The following DLGAP4 variants were observed in gnomAD, a reference collection of about 807,000 sequenced individuals.
DLGAP4 encodes DLG associated protein 4.
Under a neutral mutation model 86.9 loss-of-function variants are expected in DLGAP4, and 18 were observed. The ratio of observed to expected loss-of-function variants is 0.21; its 90% CI spans 0.14 to 0.31. The LOEUF (loss-of-function observed/expected upper bound fraction) is 0.31. Ranked by LOEUF, DLGAP4 falls within the 10% of genes least tolerant of loss-of-function variation. The pLI, the probability that DLGAP4 is intolerant of heterozygous loss-of-function variation, is 1.00. For synonymous variants in DLGAP4, 548 were observed against 574.3 expected, an observed-to-expected ratio of 0.95 and a Z score of 0.65; for missense variants, 1,085 against 1,362.6, an observed-to-expected ratio of 0.80 and a Z score of 3.21.
chr20:36,393,700 G>A lies in DLGAP4; in HGVS notation c.-73+26425G>A, dbSNP rs976984858. On this transcript the variant is annotated intron_variant, in intron 2 of 12. Transcript: ENST00000339266. This position sits in a 1 kb window ranked among gnomAD's most constrained non-coding sequence, Gnocchi z 4.4. ...CCTGGCACTTAGGAGGGAAGGAAAGGGGGGCTCTGTGCCTGCACCCTTTGT... is the reference window on the plus strand; with the variant it reads ...CCTGGCACTTAGGAGGGAAGGAAAGAGGGGCTCTGTGCCTGCACCCTTTGT... Among the ~76,000 whole-genome samples, 4 of 152,170 alleles carry A rather than the reference G, an allele frequency of 2.6e-5. No homozygotes were observed. The highest frequency in any genetic ancestry group is 9.7e-5 in the African/African-American group (4 of 41,432).
At chr20:36,497,316 A>G in intron 8 of DLGAP4, 19 of 1,362,546 alleles carry the variant, frequency 1.4e-5, no homozygotes, top group Non-Finnish European at 1.7e-5. Flanking sequence ...GTCCCAGTGA[A>G]TGTAGTTACA....
At chr20:36,318,758 A>C (rs2065137094) in intron 1 of DLGAP4, among the ~76,000 whole-genome samples, 1 of 152,266 alleles carries the variant, frequency 6.6e-6, no homozygotes, top group East Asian at 1.9e-4. Context: ...TGGGGTCTTC[A>C]TGCCTGTCTG....
In DLGAP4 at chr20:36,499,635, CA is replaced by C; in HGVS notation, c.2061del (p.Lys687AsnfsTer9). Reference protein sequence around the residue: ...VPKEEPSPATKFQSIGVQVED... With the variant: ...VPKEEPSPATXFQSIGVQVED... ...CAAAAGAGGAGCCCAGTCCCGCTAC[CA>C]AATTCCAGTCCATCGGGGTTCAGGT... On this transcript the variant is annotated frameshift_variant, in exon 9 of 13. Coordinates refer to ENST00000339266, the MANE Select transcript of DLGAP4 (RefSeq NM_001365621.2). LOFTEE classifies it high-confidence loss of function. The C allele has an allele frequency of 6.2e-7, 1 of 1,614,008 alleles. No individual in the cohort carries two copies. Among genetic ancestry groups the C allele is most frequent in the Non-Finnish European group, 8.5e-7 (1 of 1,179,990 alleles).
chr20:36,411,348 C>T (rs991221115), intron 2 of DLGAP4, among the ~76,000 whole-genome samples: 1 of 152,092 alleles, frequency 6.6e-6, no homozygotes, highest in Non-Finnish European at 1.5e-5. Context: ...AGACAGATGC[C>T]CTGACCCCGT....
At chr20:36,328,221 A>T (rs1449024515) in intron 1 of DLGAP4, among the ~76,000 whole-genome samples, 19 of 152,012 alleles carry the variant, frequency 1.2e-4, no homozygotes, top group African/African-American at 4.6e-4. Context: ...AAAATAAAAA[A>T]TAAAAATTCT....
intron 2 of DLGAP4, among the ~76,000 whole-genome samples, chr20:36,396,736 T>C (rs1036417298): frequency 6.7e-6 from 1 of 149,544 alleles, no homozygotes; most frequent in Non-Finnish European, 1.5e-5. Context: ...CAGGGGCCTA[T>C]TGAAGACTTC....
chr20:36,522,849 A>G (rs932783524), intron 10 of DLGAP4, among the ~76,000 whole-genome samples: 18 of 151,866 alleles, frequency 1.2e-4, no homozygotes, highest in African/African-American at 4.4e-4. Context: ...TCTTTATGCC[A>G]GCACCTTTTG....
intron 1 of DLGAP4, among the ~76,000 whole-genome samples, chr20:36,349,690 C>G (rs147057848): frequency 2.0e-5 from 3 of 152,226 alleles, no homozygotes; most frequent in African/African-American, 4.8e-5. Context: ...ACGTGCCCAG[C>G]ATTCATCCTG....
rs773329197 is a variant in DLGAP4, at chr20:36,500,499, C to T, written c.2400C>T (p.Cys800=). Reference sequence around the variant, plus strand: ...CAGAGCCGGCACAGCCAGGGGCCTGCCGCCGAGACGGCTACTGGTTCCTAA... The same window carrying T: ...CAGAGCCGGCACAGCCAGGGGCCTGTCGCCGAGACGGCTACTGGTTCCTAA... ...SPAEPAQPGA[C]RRDGYWFLKL... The change falls in exon 10 of 13, where the codon TGC becomes TGT. Residue 800 remains cysteine, a synonymous_variant. Coordinates refer to ENST00000339266, the MANE Select transcript of DLGAP4 (RefSeq NM_001365621.2). This position sits in a 1 kb window ranked among gnomAD's most constrained non-coding sequence, Gnocchi z 4.6. 3.8e-6 allele frequency: 6 copies of T among 1,592,540 alleles called. No homozygotes were observed. The highest frequency in any genetic ancestry group is 2.6e-6 in the Non-Finnish European group (3 of 1,169,058).
intron 2 of DLGAP4, among the ~76,000 whole-genome samples, chr20:36,392,344 A>T (rs1196192234): frequency 6.6e-6 from 1 of 152,164 alleles, no homozygotes; most frequent in East Asian, 1.9e-4. Flanking sequence ...CCTGTCATTC[A>T]TTCACTCATT....
At chr20:36,365,373 AATCTTGAAATCTTTTATGC>A (rs1292883324) in intron 1 of DLGAP4, among the ~76,000 whole-genome samples, 4 of 152,252 alleles carry the variant, frequency 2.6e-5, no homozygotes, top group African/African-American at 9.6e-5. Context: ...CCTTATGGTG[AATCTTGAAATCTTTTATGC>A]ATCTTCGAGA....
intron 1 of DLGAP4, among the ~76,000 whole-genome samples, chr20:36,326,372 C>T (rs2065215846): frequency 6.6e-6 from 1 of 152,072 alleles, no homozygotes; most frequent in Non-Finnish European, 1.5e-5. Flanking sequence ...TAATTATAGC[C>T]ATAACTGTTT....
intron 7 of DLGAP4, chr20:36,462,447 C>T: frequency 1.3e-6 from 2 of 1,532,344 alleles, no homozygotes; most frequent in Non-Finnish European, 1.7e-6. Flanking sequence ...GCCTGGGGCC[C>T]TTGGCCCCCC....
chr20:36,441,522 A>G (rs2033446802), intron 5 of DLGAP4, among the ~76,000 whole-genome samples: 2 of 152,078 alleles, frequency 1.3e-5, no homozygotes, highest in Non-Finnish European at 1.5e-5. Context: ...TTGCTTATTT[A>G]CTTAATGCTG....
At chr20:36,443,917 C>T (rs1313131425) in intron 6 of DLGAP4, among the ~76,000 whole-genome samples, 1 of 152,092 alleles carries the variant, frequency 6.6e-6, no homozygotes, top group Non-Finnish European at 1.5e-5. Flanking sequence ...GGACTATTGC[C>T]CCATTTTATA....
chr20:36,512,113 T>C (rs6014454), intron 10 of DLGAP4, among the ~76,000 whole-genome samples: 9,191 of 145,316 alleles, frequency 0.063, 1,075 homozygotes, highest in African/African-American at 0.23. Context: ...TGCAGTGGCG[T>C]GATCTCGGCT....
chr20:36,384,078 A>AG (rs2031507053), intron 2 of DLGAP4, among the ~76,000 whole-genome samples: 1 of 151,516 alleles, frequency 6.6e-6, no homozygotes, highest in South Asian at 2.1e-4. Flanking sequence ...CTAGAAAAAA[A>AG]AAGAAGCTTT....
chr20:36,480,301 A>G (rs1057302449), intron 7 of DLGAP4, among the ~76,000 whole-genome samples: 3 of 152,176 alleles, frequency 2.0e-5, no homozygotes, highest in Non-Finnish European at 4.4e-5. Context: ...TTACTTCCAG[A>G]CTTTGCTGTC....
At chr20:36,459,487 C>T (rs1393138506) in intron 7 of DLGAP4, among the ~76,000 whole-genome samples, 2 of 152,210 alleles carry the variant, frequency 1.3e-5, no homozygotes, top group African/African-American at 4.8e-5. Context: ...AGCAATCCTC[C>T]CATCTCAGCT....
Sources: allele counts gnomAD v4.1 joint callset (sites outside exome capture counted in the v4.1 genomes callset), GRCh38; gene constraint gnomAD v4.1.1; non-coding constraint Gnocchi (gnomAD v3.1); transcripts MANE v1.5; gene names NCBI Gene and HGNC (gene_info 2026-07-23, HGNC 2026-07-21).